KANSL1L: variants seen among roughly 807,000 people sequenced by gnomAD.
The protein encoded by KANSL1L is KAT8 regulatory NSL complex subunit 1-like protein.
Under a neutral mutation model 108.6 loss-of-function variants are expected in KANSL1L, and 25 were observed. The observed-to-expected ratio is 0.23, with a 90% confidence interval of 0.17 to 0.32. The LOEUF (loss-of-function observed/expected upper bound fraction) is 0.32. KANSL1L is among the 10% of genes least tolerant of loss of function. The pLI is 1.00. For missense variants in KANSL1L, 1,137 were observed against 1,125.7 expected (o/e 1.01, Z -0.14); for synonymous variants, 405 against 395.1 (o/e 1.03, Z -0.30).
At chr2:210,116,585 C>G (rs1318976558) in intron 3 of KANSL1L, among the ~76,000 whole-genome samples, 2 of 152,122 alleles carry the variant, frequency 1.3e-5, no homozygotes, top group African/African-American at 4.8e-5. Context: ...GGGAAGAGAA[C>G]AGGAGTCTCT....
At chr2:210,035,117 A>G (rs932016014) in intron 8 of KANSL1L, 3 of 152,340 alleles carry the variant, frequency 2.0e-5, no homozygotes, top group Non-Finnish European at 4.4e-5. Flanking sequence ...CAATATCTCT[A>G]TAATGTTATT....
At chr2:210,028,367 A>G (rs1236613928) in intron 11 of KANSL1L, 1 of 148,690 alleles carries the variant, frequency 6.7e-6, no homozygotes, top group African/African-American at 2.5e-5. Flanking sequence ...TCATCTTTTG[A>G]ATGTGTTTAT....
At chr2:210,093,707 C>A (rs1054248123) in intron 5 of KANSL1L, among the ~76,000 whole-genome samples, 1 of 152,236 alleles carries the variant, frequency 6.6e-6, no homozygotes, top group Non-Finnish European at 1.5e-5. Flanking sequence ...AGAATTATCA[C>A]ATAATCCAGC....
intron 6 of KANSL1L, among the ~76,000 whole-genome samples, chr2:210,069,904 C>T (rs1283589756): frequency 2.4e-5 from 3 of 126,324 alleles, no homozygotes; most frequent in Non-Finnish European, 4.7e-5. Flanking sequence ...TCTCTGCTCA[C>T]GGTAACCTCT....
intron 2 of KANSL1L, among the ~76,000 whole-genome samples, chr2:210,140,268 G>A (rs890330528): frequency 6.6e-6 from 1 of 152,056 alleles, no homozygotes; most frequent in Non-Finnish European, 1.5e-5. Flanking sequence ...CATCAATGTC[G>A]AGAAGCTTTT....
intron 6 of KANSL1L, among the ~76,000 whole-genome samples, chr2:210,068,267 C>A (rs2094481703): frequency 6.6e-6 from 1 of 151,922 alleles, no homozygotes; most frequent in Non-Finnish European, 1.5e-5. Context: ...TGTATTTATG[C>A]CTATTTTTAA....
rs189942931 is a variant in KANSL1L, at chr2:210,075,701, T to C, written c.1606A>G (p.Lys536Glu). The C allele has an allele frequency of 3.8e-4, 618 of 1,613,874 alleles. 7 individuals carry two copies. In the East Asian group the frequency reaches 0.013, roughly 35 times the overall value. Residue 536 changes from lysine to glutamate, a missense_variant, in exon 6 of 15, where the codon AAG becomes GAG. By Grantham distance (56) the Lys-to-Glu change is moderately conservative. This residue lies in a region of KANSL1L where 575 missense variants were observed against 567.1 expected (regional missense o/e 1.01). Transcript: ENST00000281772. ...TCTTTTCTCTTTTTCTTACTGTGCTTCTGGTTAAGTAACCAGCTACTGGAG... is the reference window on the plus strand; with the variant it reads ...TCTTTTCTCTTTTTCTTACTGTGCTCCTGGTTAAGTAACCAGCTACTGGAG... ...SSSSSWLLNQ[K>E]HSKKKRKDRT...
chr2:210,063,406 GA>G (rs1336252983), intron 6 of KANSL1L, among the ~76,000 whole-genome samples: 5 of 152,238 alleles, frequency 3.3e-5, no homozygotes, highest in Admixed American at 2.6e-4. Context: ...GGAGCTGTGA[GA>G]AGAGGGTCAT....
intron 1 of KANSL1L, among the ~76,000 whole-genome samples, chr2:210,162,971 TTC>T (rs1054695901): frequency 6.6e-6 from 1 of 152,190 alleles, no homozygotes; most frequent in African/African-American, 2.4e-5. Context: ...ACTAGTGAAG[TTC>T]ACAGCCCAGG....
In KANSL1L at chr2:210,154,133, T is replaced by C. The variant is rs2095320249; in HGVS notation, c.450A>G (p.Gln150=). Residue 150 remains glutamine (Q), a synonymous_variant, in exon 2 of 15, where the codon CAA becomes CAG. Transcript: ENST00000281772. ...DTTSQCMKDV[Q]IILDSNITKD... ...TGGTTATATTTGAATCCAGAATAAT[T>C]TGTACATCTTTCATGCACTGGCTCG... 1.9e-6 allele frequency: 3 copies of C among 1,614,102 alleles called. No individual in the cohort carries two copies. Among genetic ancestry groups the C allele is most frequent in the African/African-American group, 1.3e-5 (1 of 75,038 alleles).
At chr2:210,123,951 T>C (rs1377292264) in intron 3 of KANSL1L, among the ~76,000 whole-genome samples, 1 of 152,188 alleles carries the variant, frequency 6.6e-6, no homozygotes, top group Admixed American at 6.5e-5. Context: ...AGTATTGGTT[T>C]CTAATGCATC....
chr2:210,149,993 T>C (rs1238361940), intron 2 of KANSL1L, among the ~76,000 whole-genome samples: 1 of 151,954 alleles, frequency 6.6e-6, no homozygotes, highest in East Asian at 1.9e-4. Flanking sequence ...TTGATTTGTA[T>C]AGATCAGATG....
Position 210,153,978 on chromosome 2 carries a change from G to A in KANSL1L, c.605C>T (p.Pro202Leu), listed in dbSNP as rs148825055. The part of the protein sequence containing the change: ...LLHCTQKKIV[P>L]GHSNVPVSSS... ...ACTAACAGGCACATTTGAGTGGCCA[G>A]GTACAATTTTCTTTTGAGTACAGTG... Residue 202 changes from proline to leucine, a missense_variant, in exon 2 of 15, where the codon CCT becomes CTT. Physicochemically the swap from Pro to Leu is moderately conservative, Grantham distance 98 (BLOSUM62 -3). This residue lies in a region of KANSL1L where 556 missense variants were observed against 537.7 expected (regional missense o/e 1.03). Transcript: ENST00000281772. The A allele has an allele frequency of 3.8e-3, 6,088 of 1,613,578 alleles. 23 individuals carry two copies. The highest frequency in any genetic ancestry group is 0.011 in the Middle Eastern group (64 of 6,062).
intron 12 of KANSL1L, among the ~76,000 whole-genome samples, chr2:210,026,070 G>C (rs1284902539): frequency 1.3e-5 from 2 of 152,284 alleles, no homozygotes; most frequent in South Asian, 2.1e-4. Flanking sequence ...TTTAATGAAT[G>C]ACTTATCTAG....
intron 6 of KANSL1L, among the ~76,000 whole-genome samples, chr2:210,052,363 G>A (rs2094303258): frequency 6.6e-6 from 1 of 151,898 alleles, no homozygotes; most frequent in Non-Finnish European, 1.5e-5. Flanking sequence ...TGTTTCTTTA[G>A]TACAACAGGC....
chr2:210,091,261 G>T (rs780979306), intron 5 of KANSL1L, among the ~76,000 whole-genome samples: 2 of 152,056 alleles, frequency 1.3e-5, no homozygotes, highest in Non-Finnish European at 2.9e-5. Flanking sequence ...TTGTTCATAG[G>T]TTTAGGATGA....
intron 8 of KANSL1L, among the ~76,000 whole-genome samples, chr2:210,036,706 A>G (rs1287546760): frequency 1.3e-5 from 2 of 152,188 alleles, no homozygotes; most frequent in African/African-American, 2.4e-5. Context: ...GAAATTTCTC[A>G]TTACATTATT....
intron 3 of KANSL1L, among the ~76,000 whole-genome samples, chr2:210,123,349 T>C (rs543760841): frequency 2.6e-3 from 388 of 152,144 alleles, no homozygotes; most frequent in African/African-American, 8.9e-3. Context: ...TATACAGTGA[T>C]AAAAAAGACT....
intron 6 of KANSL1L, among the ~76,000 whole-genome samples, chr2:210,056,840 C>G (rs538885484): frequency 2.0e-5 from 3 of 152,102 alleles, no homozygotes; most frequent in African/African-American, 4.8e-5. Flanking sequence ...TAGAAGGTAG[C>G]CTTTTTCTTC....
Sources: allele counts gnomAD v4.1 joint callset (sites outside exome capture counted in the v4.1 genomes callset), GRCh38; gene constraint gnomAD v4.1.1; regional missense constraint gnomAD v4.1.1; transcripts MANE v1.5; gene names NCBI Gene and HGNC (gene_info 2026-07-23, HGNC 2026-07-21).